Variants in DCST2 observed in about 807,000 individuals in gnomAD.
DCST2 encodes the protein DC-STAMP domain-containing protein 2.
A neutral mutation model predicts 81.8 loss-of-function variants in DCST2; 64 were observed. The observed-to-expected ratio is 0.78, with a 90% CI of 0.64 to 0.96. The LOEUF is 0.96. Ranked by LOEUF, DCST2 falls within the 40% of genes least tolerant of loss-of-function variation. The pLI is 0.00. For synonymous variants in DCST2, 354 were observed against 402.6 expected (o/e 0.88, Z 1.44); for missense variants, 945 against 1,001.4 (o/e 0.94, Z 0.76).
At chr1:155,026,150 T>C in intron 10 of DCST2, 152 bp downstream of exon 10, 1 of 697,344 alleles carries the variant, frequency 1.4e-6, no homozygotes, top group South Asian at 1.9e-5. Context: ...GTCCAGAGGC[T>C]TGCAGTCCAG....
At chr1:155,025,147 C>CA (rs201238594) in intron 10 of DCST2, among the ~76,000 whole-genome samples, 14,753 of 111,178 alleles carry the variant, frequency 0.13, 1,034 homozygotes, top group Non-Finnish European at 0.18. Context: ...AATTCTGTCT[C>CA]AAAAAAAAAA....
In DCST2 at chr1:155,031,674, G is replaced by T. The variant is rs562006776; in HGVS notation, c.639C>A (p.Phe213Leu). The change falls in exon 4 of 15, where the codon TTC becomes TTA. Residue 213 changes from phenylalanine (F) to leucine (L), a missense_variant. Phe to Leu is a conservative substitution (Grantham distance 22, BLOSUM62 0). Coordinates refer to ENST00000368424, the MANE Select transcript of DCST2 (RefSeq NM_144622.3). ...TCATGCAGCTGTCCTTGGCATCATC[G>T]AAAACCCGTGCACACTTCAGGTAAG... ...GNPYLKCARV[F>L]DDAKDSCMMV... 2.5e-6 allele frequency: 4 copies of T among 1,614,150 alleles called. No homozygotes were observed. The African/African-American group carries it at 4.0e-5, about 16-fold the overall frequency.
At position 155,023,342 on chromosome 1, in the gene DCST2, C is replaced by T. The variant is rs1386216989; in HGVS notation, c.1964+22G>A. 8 of 1,609,808 alleles carry T rather than the reference C, an allele frequency of 5.0e-6. No individual in the cohort carries two copies. In the South Asian group the frequency reaches 7.7e-5, roughly 16 times the overall value. Reference sequence around the variant, plus strand: ...CACTGCCCCTACAGACTCCAGCCACCCCATGTCACTGAAAGACTCACAGCT... The same window carrying T: ...CACTGCCCCTACAGACTCCAGCCACTCCATGTCACTGAAAGACTCACAGCT... On this transcript the variant is annotated intron_variant, in intron 13 of 14. Coordinates refer to ENST00000368424, the MANE Select transcript of DCST2 (RefSeq NM_144622.3).
intron 14 of DCST2, among the ~76,000 whole-genome samples, chr1:155,021,749 T>A (rs566189857): frequency 1.3e-5 from 2 of 151,994 alleles, no homozygotes; most frequent in South Asian, 2.1e-4. Flanking sequence ...GAAATCCCAG[T>A]CACGCTCAGC....
In DCST2 at chr1:155,031,730, C is replaced by A; in HGVS notation, c.583G>T (p.Gly195Cys). The change falls in exon 4 of 15, where the codon GGC becomes TGC. Residue 195 changes from glycine to cysteine, a missense_variant. Gly to Cys is a radical substitution (Grantham distance 159). Coordinates refer to ENST00000368424, the MANE Select transcript of DCST2 (RefSeq NM_144622.3). ...CCCAGTTCCGAGTTGCACACATCGC[C>A]GATGTGCAGGAGCCACTGCCACACA... ...RNVWQWLLHI[G>C]DVCNSELGNP... The A allele has an allele frequency of 1.2e-6, 2 of 1,613,912 alleles. No homozygotes were observed. Among genetic ancestry groups the A allele is most frequent in the Non-Finnish European group, 1.7e-6 (2 of 1,180,038 alleles).
rs1412201489 is a variant in DCST2 at position 155,030,076 on chromosome 1, G to A, written c.1177+8C>T. The A allele has an allele frequency of 1.2e-6, 2 of 1,612,676 alleles. No homozygotes were observed. Among genetic ancestry groups the A allele is most frequent in the Non-Finnish European group, 1.7e-6 (2 of 1,179,910 alleles). On this transcript the variant is annotated splice_region_variant and intron_variant, in intron 7 of 14. Coordinates refer to ENST00000368424, the MANE Select transcript of DCST2 (RefSeq NM_144622.3). ...GGCTTGGGCTCTCCCTGTCCTCAGG[G>A]CCCTCACCCGGTGGGATGTAGCGCC...
At chr1:155,029,151 T>C (rs1442123062) in intron 8 of DCST2, 82 bp downstream of exon 8, 6 of 1,525,032 alleles carry the variant, frequency 3.9e-6, no homozygotes, top group South Asian at 2.4e-5. Context: ...AGGAGAAGGC[T>C]TGGGAGCAGG....
chr1:155,022,301 T>TA (rs1342599308), intron 14 of DCST2, among the ~76,000 whole-genome samples: 4 of 152,312 alleles, frequency 2.6e-5, no homozygotes, highest in Admixed American at 2.0e-4. Context: ...CTGAGGTCTC[T>TA]ACCCAGCCAC....
Position 155,033,097 on chromosome 1 carries a change from C to G in DCST2, c.436G>C (p.Val146Leu), listed in dbSNP as rs992039584. The G allele has an allele frequency of 2.5e-6, 4 of 1,569,770 alleles. No individual in the cohort carries two copies. Among genetic ancestry groups the G allele is most frequent in the Non-Finnish European group, 3.5e-6 (4 of 1,158,470 alleles). ...EVLQRAKQPL[V>L]SALNKIKAIA... ...GTGGTAGAGGTGGGGGACTTACTGA[C>G]AAGAGGTTGCTTGGCCCTCTGTAGC... is the stretch of plus-strand genomic sequence containing the variant. The change falls in exon 2 of 15, where the codon GTC (valine) becomes CTC (leucine). Residue 146 changes from valine to leucine, a missense_variant. Physicochemically the swap from Val to Leu is conservative, Grantham distance 32. Transcript: ENST00000368424.
chr1:155,026,254 C>A, intron 10 of DCST2, 48 bp downstream of exon 10: 1 of 1,594,532 alleles, frequency 6.3e-7, no homozygotes, highest in Non-Finnish European at 8.6e-7. Flanking sequence ...ACTAGCTAAG[C>A]CCCCTGGGGA....
In DCST2 at chr1:155,023,237, CCCT is replaced by C; in HGVS notation, c.1982_1984del (p.Glu661del). ...AGCTGCAGCCAGCCATAGCTGAGGG[CCCT>C]CCTCATCGCTGGAGTCCCTGGAGAA... is the stretch of plus-strand genomic sequence containing the variant. On this transcript the variant is annotated inframe_deletion, in exon 14 of 15. Coordinates refer to ENST00000368424, the MANE Select transcript of DCST2 (RefSeq NM_144622.3). 6.2e-7 allele frequency: 1 copy of C among 1,614,162 alleles called. No homozygotes were observed. Among genetic ancestry groups the C allele is most frequent in the South Asian group, 1.1e-5 (1 of 91,084 alleles).
chr1:155,021,548 C>T (rs1205593401), intron 14 of DCST2, among the ~76,000 whole-genome samples: 1 of 124,992 alleles, frequency 8.0e-6, no homozygotes, highest in Non-Finnish European at 1.6e-5. Flanking sequence ...CTCATCCTCT[C>T]TCTTACAGTC....
intron 2 of DCST2, 66 bp downstream of exon 2, chr1:155,033,028 A>G (rs1194732279): frequency 3.4e-6 from 5 of 1,459,678 alleles, no homozygotes; most frequent in Admixed American, 2.6e-5. Flanking sequence ...AAAGGACTGT[A>G]GAACATGCAG....
At position 155,026,551 on chromosome 1, in the gene DCST2, T is replaced by C. The variant is rs977458312; in HGVS notation, c.1507A>G (p.Ile503Val). The change falls in exon 9 of 15, where the codon ATT becomes GTT. Residue 503 changes from isoleucine to valine, a missense_variant. By Grantham distance (29) the Ile-to-Val change is conservative. Coordinates refer to ENST00000368424, the MANE Select transcript of DCST2 (RefSeq NM_144622.3). ...GACCTCAGGGTGTAGTTGATACCAA[T>C]GACTATGTAGCCAGTGCTGTCAGGC... ...SEPDSTGYIV[I>V]GVMYGLCFFI... 6.2e-7 allele frequency: 1 copy of C among 1,614,166 alleles called. No homozygotes were observed. The highest frequency in any genetic ancestry group is 8.5e-7 in the Non-Finnish European group (1 of 1,180,026).
rs781554112 is a variant in DCST2 at position 155,033,263 on chromosome 1, C to T, written c.270G>A (p.Arg90=). The T allele has an allele frequency of 6.8e-6, 11 of 1,607,402 alleles. No homozygotes were observed. In the Admixed American group the frequency reaches 1.4e-4, roughly 20 times the overall value. Residue 90 remains arginine, a splice_region_variant and synonymous_variant, in exon 2 of 15, where the codon AGG becomes AGA. Transcript: ENST00000368424. The part of the protein sequence containing the change: ...VLLLLPQAFS[R]QGRTLLLVAA... The stretch of plus-strand genomic sequence containing the variant: ...CCACCAACAGTAGTGTCCGGCCCTG[C>T]CCTGGGGGCGACAGCTTTGTTAGAA...
intron 14 of DCST2, among the ~76,000 whole-genome samples, chr1:155,021,614 C>G (rs1659759082): frequency 6.6e-6 from 1 of 151,932 alleles, no homozygotes; most frequent in Non-Finnish European, 1.5e-5. Flanking sequence ...CCTTTTCTAA[C>G]TGCCCCCCTG....
intron 10 of DCST2, among the ~76,000 whole-genome samples, chr1:155,025,147 C>CAAAAAAAAA (rs201238594): frequency 9.0e-6 from 1 of 111,388 alleles, no homozygotes; most frequent in African/African-American, 3.6e-5. Flanking sequence ...AATTCTGTCT[C>CAAAAAAAAA]AAAAAAAAAA....
Position 155,018,641 on chromosome 1 carries a change from G to A in DCST2, c.2225C>T (p.Ser742Phe), listed in dbSNP as rs1659642948. The A allele has an allele frequency of 6.2e-7, 1 of 1,613,812 alleles. No homozygotes were observed. The highest frequency in any genetic ancestry group is 8.5e-7 in the Non-Finnish European group (1 of 1,179,906). The change falls in exon 15 of 15, where the codon TCC becomes TTC. Residue 742 changes from serine (S) to phenylalanine (F), a missense_variant. Physicochemically the swap from Ser to Phe is radical, Grantham distance 155. Coordinates refer to ENST00000368424, the MANE Select transcript of DCST2 (RefSeq NM_144622.3). ...SPEPHRPPET[S>F]SATKGAPTPA... is the part of the protein sequence containing the mutation. ...AGTGGGGGCTCCTTTAGTGGCGGAG[G>A]ATGTCTCAGGTGGTCTGTGGGGCTC...
intron 14 of DCST2, among the ~76,000 whole-genome samples, chr1:155,021,289 C>G (rs1472485205): frequency 6.6e-6 from 1 of 152,036 alleles, no homozygotes; most frequent in Non-Finnish European, 1.5e-5. Flanking sequence ...GCGTGAGCCA[C>G]CATGCCCTGG....
Sources: gnomAD v4.1 joint callset for allele counts (sites outside exome capture counted in the v4.1 genomes callset) on GRCh38, gnomAD v4.1.1 for gene constraint, MANE v1.5 for transcripts, NCBI Gene and HGNC (gene_info 2026-07-23, HGNC 2026-07-21) for gene names.